PLA2G4D: variants seen among roughly 807,000 people sequenced by gnomAD.
The protein encoded by PLA2G4D is phospholipase A2 group IVD.
A neutral mutation model predicts 94.4 loss-of-function variants in PLA2G4D; 80 were observed. The observed-to-expected ratio is 0.85, with a 90% CI of 0.71 to 1.02. PLA2G4D has a LOEUF of 1.02. Among genes scored for constraint, PLA2G4D ranks in the 50% least tolerant of loss-of-function variants. The pLI is 0.00. For missense variants in PLA2G4D, 1,050 were observed against 1,034.7 expected, an observed-to-expected ratio of 1.01 and a Z score of -0.20; for synonymous variants, 438 against 440.9, an observed-to-expected ratio of 0.99 and a Z score of 0.08.
intron 1 of PLA2G4D, among the ~76,000 whole-genome samples, chr15:42,093,258 C>T (rs546819843): frequency 2.0e-5 from 3 of 152,312 alleles, no homozygotes; most frequent in East Asian, 1.9e-4. Flanking sequence ...CAGCTGGAGG[C>T]GAGGTGCTTT....
At position 42,068,937 on chromosome 15, in the gene PLA2G4D, G is replaced by A. The variant is rs1889744416; in HGVS notation, c.2235C>T (p.Val745=). 6.2e-7 allele frequency: 1 copy of A among 1,608,752 alleles called. No individual in the cohort carries two copies. The highest frequency in any genetic ancestry group is 8.5e-7 in the Non-Finnish European group (1 of 1,178,646). ...CCTGGAGCTCTGCGGGGCTGCGCTG[G>A]ACACCTGCCCAGGGGTAGGAGGGGT... The part of the protein sequence containing the change: ...ASFKDHSAPG[V]QRSPAELQGG... The change falls in exon 20 of 20, where the codon GTC becomes GTT. Residue 745 remains valine (V), a synonymous_variant. Coordinates refer to ENST00000290472, the MANE Select transcript of PLA2G4D (RefSeq NM_178034.4).
chr15:42,079,234 T>C (rs1202588416), intron 13 of PLA2G4D, among the ~76,000 whole-genome samples: 4 of 152,242 alleles, frequency 2.6e-5, no homozygotes, highest in Admixed American at 1.3e-4. Context: ...AAATTTCATA[T>C]TGCAGGATAA....
chr15:42,074,244 C>T (rs913455490), intron 13 of PLA2G4D, among the ~76,000 whole-genome samples: 5 of 152,142 alleles, frequency 3.3e-5, no homozygotes, highest in South Asian at 4.1e-4. Flanking sequence ...CAGTAAGCTG[C>T]GGCAGGACTC....
Position 42,071,918 on chromosome 15 carries a change from G to C in PLA2G4D, c.1436-7C>G, listed in dbSNP as rs777806433. 2 of 1,613,538 alleles carry C rather than the reference G, an allele frequency of 1.2e-6. No individual in the cohort carries two copies. Among genetic ancestry groups the C allele is most frequent in the African/African-American group, 2.7e-5 (2 of 74,912 alleles). On this transcript the variant is annotated splice_polypyrimidine_tract_variant and splice_region_variant and intron_variant, in intron 14 of 19. Transcript: ENST00000290472. ...GGGGAGAACTCAACCCACTCTAATG[G>C]GGTGGGAAGGAGAGGCAGGAGTGTG... is the stretch of plus-strand genomic sequence containing the variant.
chr15:42,087,495 C>G, intron 2 of PLA2G4D, 59 bp from the exon 3 acceptor site: 1 of 1,610,622 alleles, frequency 6.2e-7, no homozygotes, highest in Non-Finnish European at 8.5e-7. Flanking sequence ...CTCCATGAGC[C>G]ATGCCAGTTT....
At chr15:42,069,871 G>C (rs745490631) in intron 19 of PLA2G4D, 38 bp downstream of exon 19, 2 of 1,373,378 alleles carry the variant, frequency 1.5e-6, no homozygotes, top group Non-Finnish European at 1.9e-6. Flanking sequence ...GCCTCTGAGG[G>C]GCCAGGCAGC....
chr15:42,068,918 G>A lies in PLA2G4D; in HGVS notation c.2254C>T (p.Leu752Phe). The change falls in exon 20 of 20, where the codon CTC becomes TTC. Residue 752 changes from leucine to phenylalanine, a missense_variant. Transcript: ENST00000290472. ...GTGAGATCCACTTGGCCACCCTGGA[G>A]CTCTGCGGGGCTGCGCTGGACACCT... is the stretch of plus-strand genomic sequence containing the variant. ...APGVQRSPAE[L>F]QGGQVDLTGA... 1 of 1,611,736 alleles carries A rather than the reference G, an allele frequency of 6.2e-7. No homozygotes were observed. Among genetic ancestry groups the A allele is most frequent in the South Asian group, 1.1e-5 (1 of 90,746 alleles).
At chr15:42,085,418 G>A (rs902229824) in intron 5 of PLA2G4D, 73 bp downstream of exon 5, 5 of 1,519,680 alleles carry the variant, frequency 3.3e-6, no homozygotes, top group Non-Finnish European at 4.6e-6. Context: ...TGACCACAGG[G>A]AGATCTGGGT....
intron 3 of PLA2G4D, 31 bp from the exon 4 acceptor site, chr15:42,086,375 T>C: frequency 6.2e-7 from 1 of 1,609,932 alleles, no homozygotes; most frequent in Non-Finnish European, 8.5e-7. Flanking sequence ...CTTAGCATTT[T>C]ACCTGCTCAT....
At position 42,085,102 on chromosome 15, in the gene PLA2G4D, G is replaced by A; in HGVS notation, c.465C>T (p.Val155=). 1 of 1,614,168 alleles carries A rather than the reference G, an allele frequency of 6.2e-7. No individual in the cohort carries two copies. The highest frequency in any genetic ancestry group is 8.5e-7 in the Non-Finnish European group (1 of 1,180,030). The change falls in exon 6 of 20, where the codon GTC becomes GTT. Residue 155 remains valine (V), a synonymous_variant. Transcript: ENST00000290472. Reference sequence around the variant, plus strand: ...GCCTGGGGAAGGTGCTTACCACAATGACTTTGTTGGTGATGAGGTTTTCTG... The same window carrying A: ...GCCTGGGGAAGGTGCTTACCACAATAACTTTGTTGGTGATGAGGTTTTCTG... The part of the protein sequence containing the change: ...DRPENLITNK[V]IVARELSCLD...
intron 1 of PLA2G4D, among the ~76,000 whole-genome samples, chr15:42,091,869 C>G (rs997372335): frequency 6.8e-4 from 103 of 152,282 alleles, no homozygotes; most frequent in African/African-American, 2.4e-3. Flanking sequence ...CCTCGGCTAC[C>G]AGGCAGGGAA....
chr15:42,078,746 G>A (rs1595593578), intron 13 of PLA2G4D, among the ~76,000 whole-genome samples: 1 of 152,026 alleles, frequency 6.6e-6, no homozygotes, highest in Non-Finnish European at 1.5e-5. Flanking sequence ...ATAAAGATGA[G>A]TCCTTCTGCT....
At chr15:42,071,674 C>G in intron 15 of PLA2G4D, 100 bp downstream of exon 15, 18 of 1,390,258 alleles carry the variant, frequency 1.3e-5, no homozygotes, top group Admixed American at 1.8e-5. Context: ...CCACCCCTCC[C>G]CCTTGTCCTG....
chr15:42,073,673 T>A (rs1889869217), intron 13 of PLA2G4D, among the ~76,000 whole-genome samples: 1 of 152,204 alleles, frequency 6.6e-6, no homozygotes, highest in Non-Finnish European at 1.5e-5. Flanking sequence ...TGAGAGCATG[T>A]GAAGCATGCG....
intron 17 of PLA2G4D, 116 bp from the exon 18 acceptor site, chr15:42,070,999 A>G: frequency 6.6e-7 from 1 of 1,516,784 alleles, no homozygotes; most frequent in Non-Finnish European, 8.9e-7. Context: ...AGGACCTTCC[A>G]AGGGGATCGT....
At chr15:42,074,812 A>C (rs1889887165) in intron 13 of PLA2G4D, among the ~76,000 whole-genome samples, 1 of 152,242 alleles carries the variant, frequency 6.6e-6, no homozygotes, top group African/African-American at 2.4e-5. Context: ...CGAAGAAAAC[A>C]TTATTTTGTA....
rs1401309947 is a variant in PLA2G4D at position 42,067,178 on chromosome 15, C to T, written c.*1537G>A. 1 of 152,132 alleles carries T rather than the reference C, an allele frequency of 6.6e-6. No homozygotes were observed. The highest frequency in any genetic ancestry group is 1.5e-5 in the Non-Finnish European group (1 of 68,038). 9.4% of individuals were successfully genotyped at this position (152,132 alleles called of 1,614,324 possible). ...TGTCCCGAAGCTCTCACTACAACCC[C>T]CACCTGGGGCCAGGTGTGTGTGTGT... is the stretch of plus-strand genomic sequence containing the variant. On this transcript the variant is annotated 3_prime_UTR_variant, in exon 20 of 20. Transcript: ENST00000290472.
In PLA2G4D at chr15:42,086,089, T is replaced by G. The variant is rs1890138889; in HGVS notation, c.387+124A>C. 7.4e-6 allele frequency: 8 copies of G among 1,080,244 alleles called. No homozygotes were observed. The East Asian group carries it at 2.1e-4, about 28-fold the overall frequency. The allele number at this position is 1,080,244 out of a possible 1,614,324, so 66.9% of individuals were successfully genotyped here. A position where few individuals can be genotyped will look rare whatever the true frequency, so the allele number is the denominator to read the frequency against. On this transcript the variant is annotated intron_variant, in intron 4 of 19. Coordinates refer to ENST00000290472, the MANE Select transcript of PLA2G4D (RefSeq NM_178034.4). The stretch of plus-strand genomic sequence containing the variant: ...ATTAAAATGCAAATCTAAAAAGGGG[T>G]TTAGATTTTTCTGTGAATGAGTTCA...
Position 42,094,436 on chromosome 15 carries a change from T to C in PLA2G4D, c.24A>G (p.Gly8=). The change falls in exon 1 of 20, where the codon GGA becomes GGG. Residue 8 remains glycine (G), a synonymous_variant. Transcript: ENST00000290472. ...TTACCTGGTAAGGGTGGCCAGGTGG[T>C]CCCCCAGGTGACAGGCTCTCCATGC... The part of the protein sequence containing the change: MESLSPG[G]PPGHPYQGEA... The C allele has an allele frequency of 1.2e-6, 2 of 1,613,910 alleles. No homozygotes were observed. The highest frequency in any genetic ancestry group is 1.7e-6 in the Non-Finnish European group (2 of 1,179,936).
Sources: allele counts gnomAD v4.1 joint callset (sites outside exome capture counted in the v4.1 genomes callset), GRCh38; gene constraint gnomAD v4.1.1; transcripts MANE v1.5; gene names NCBI Gene and HGNC (gene_info 2026-07-23, HGNC 2026-07-21).